Variants in ACBD3 observed in about 807,000 individuals in gnomAD.
ACBD3 encodes acyl-CoA binding domain containing 3, also known as Golgi resident protein GCP60.
ACBD3 carries 30 observed loss-of-function variants against 66.9 expected under a neutral mutation model. That is an observed-to-expected ratio of 0.45 (90% CI 0.34 to 0.61). The LOEUF (loss-of-function observed/expected upper bound fraction) is 0.61, where lower values mean the gene tolerates loss of function less well. ACBD3 is among the 20% of genes least tolerant of loss of function. The pLI, the probability that ACBD3 is intolerant of heterozygous loss-of-function variation, is 0.02. For synonymous variants in ACBD3, 278 were observed against 259.8 expected, an observed-to-expected ratio of 1.07 and a Z score of -0.68; for missense variants, 544 against 664.5, an observed-to-expected ratio of 0.82 and a Z score of 1.99.
chr1:226,172,201 C>A lies in ACBD3; in HGVS notation c.287-6201G>T, dbSNP rs368316124. ...ATACATTTTCAGTGCTAGTCCTGGT[C>A]AGGCAAACAGATTCGCTGACCTCTG... On this transcript the variant is annotated intron_variant, in intron 1 of 7. Coordinates refer to ENST00000366812, the MANE Select transcript of ACBD3 (RefSeq NM_022735.4). Among the ~76,000 whole-genome samples, 33 of 107,090 alleles carry A rather than the reference C, an allele frequency of 3.1e-4. 1 individual carries two copies. The highest frequency in any genetic ancestry group is 3.8e-4 in the Admixed American group (4 of 10,434). The allele number at this position is 107,090 out of a possible 152,430, so 70.3% of individuals were successfully genotyped here. A position where few individuals can be genotyped will look rare whatever the true frequency, so the allele number is the denominator to read the frequency against.
intron 5 of ACBD3, chr1:226,155,135 AGGCCAGCCAAAGT>A (rs1659647622): frequency 5.3e-6 from 1 of 190,400 alleles, no homozygotes; most frequent in Non-Finnish European, 1.1e-5. Flanking sequence ...AATGAAAGTA[AGGCCAGCCAAAGT>A]GGCTCACACC....
chr1:226,164,625 C>T (rs1460676781), intron 3 of ACBD3, among the ~76,000 whole-genome samples, 164 bp downstream of exon 3: 1 of 152,144 alleles, frequency 6.6e-6, no homozygotes, highest in African/African-American at 2.4e-5. Context: ...ACTTATAATA[C>T]AAGTACCTGT....
intron 5 of ACBD3, among the ~76,000 whole-genome samples, chr1:226,157,242 AT>A (rs34096327): frequency 6.9e-6 from 1 of 145,628 alleles, no homozygotes; most frequent in Non-Finnish European, 1.5e-5. Flanking sequence ...TCAATTATGG[AT>A]TTTTTTTTTT....
At position 226,150,705 on chromosome 1, in the gene ACBD3, TTC is replaced by T. The variant is rs143838099; in HGVS notation, c.1375+1628_1375+1629del. Among the ~76,000 whole-genome samples the T allele has an allele frequency of 3.0e-3, 464 of 152,290 alleles. 4 individuals carry two copies. Among genetic ancestry groups the T allele is most frequent in the African/African-American group, 0.01 (420 of 41,580 alleles). On this transcript the variant is annotated intron_variant, in intron 7 of 7. Coordinates refer to ENST00000366812, the MANE Select transcript of ACBD3 (RefSeq NM_022735.4). Reference sequence around the variant, plus strand: ...GCTTTTTCAATCTTACATTTTTTCTTTCTGTCTCAGTCAGTATTATTTATGAG... The same window carrying T: ...GCTTTTTCAATCTTACATTTTTTCTTTGTCTCAGTCAGTATTATTTATGAG...
intron 1 of ACBD3, among the ~76,000 whole-genome samples, chr1:226,184,702 T>G (rs1225552551): frequency 6.6e-6 from 1 of 152,146 alleles, no homozygotes; most frequent in Non-Finnish European, 1.5e-5. Context: ...TGTTTTAATC[T>G]TTTTCTTTGT....
At chr1:226,183,903 A>C (rs1015880451) in intron 1 of ACBD3, among the ~76,000 whole-genome samples, 5 of 151,438 alleles carry the variant, frequency 3.3e-5, no homozygotes, top group Admixed American at 2.0e-4. Flanking sequence ...AAAAAAAAAA[A>C]AAACCAGGCT....
Position 226,159,174 on chromosome 1 carries a change from T to C in ACBD3, c.903+10A>G. On this transcript the variant is annotated intron_variant, in intron 5 of 7. Transcript: ENST00000366812. ...TCTCTAAGGCTGAATTCTAGGGTTG[T>C]CTATCGTACCTGTTGCTGTGCAAGC... 6.2e-7 allele frequency: 1 copy of C among 1,613,386 alleles called. No homozygotes were observed. The highest frequency in any genetic ancestry group is 2.2e-5 in the East Asian group (1 of 44,862).
chr1:226,157,476 T>C (rs781328234), intron 5 of ACBD3, among the ~76,000 whole-genome samples: 23 of 152,272 alleles, frequency 1.5e-4, no homozygotes, highest in Non-Finnish European at 3.1e-4. Flanking sequence ...CAACCTCAAG[T>C]GATCCACCCA....
intron 7 of ACBD3, among the ~76,000 whole-genome samples, chr1:226,147,274 GTTCA>G (rs199600645): frequency 3.1e-4 from 47 of 152,100 alleles, no homozygotes; most frequent in African/African-American, 9.7e-4. Context: ...TTATTAGTTC[GTTCA>G]TTCATTCATT....
intron 1 of ACBD3, among the ~76,000 whole-genome samples, chr1:226,176,062 TGGAA>T (rs974158470): frequency 2.6e-5 from 4 of 152,054 alleles, no homozygotes; most frequent in African/African-American, 7.2e-5. Flanking sequence ...TCCTTATAAA[TGGAA>T]GGGAAGAAAG....
chr1:226,160,540 T>G (rs1659751860), intron 4 of ACBD3, among the ~76,000 whole-genome samples: 1 of 152,200 alleles, frequency 6.6e-6, no homozygotes, highest in African/African-American at 2.4e-5. Context: ...AAAAAAGAGC[T>G]GCATTCATAG....
Position 226,152,315 on chromosome 1 carries a change from A to G in ACBD3, c.1375+20T>C. On this transcript the variant is annotated intron_variant, in intron 7 of 7. Coordinates refer to ENST00000366812, the MANE Select transcript of ACBD3 (RefSeq NM_022735.4). ...CAACACACAACCCAGCAGCTACTGA[A>G]TATGGACCAAGGGTTCTACCTTCTT... The G allele has an allele frequency of 6.2e-7, 1 of 1,611,732 alleles. No homozygotes were observed. The highest frequency in any genetic ancestry group is 8.5e-7 in the Non-Finnish European group (1 of 1,178,758).
At chr1:226,160,710 C>T (rs931070518) in intron 4 of ACBD3, among the ~76,000 whole-genome samples, 4 of 152,180 alleles carry the variant, frequency 2.6e-5, no homozygotes, top group Non-Finnish European at 4.4e-5. Flanking sequence ...AGACTTACTT[C>T]CCAGTGTTTT....
chr1:226,173,829 C>T (rs9725308), intron 1 of ACBD3, among the ~76,000 whole-genome samples: 64,519 of 142,002 alleles, frequency 0.45, 14,506 homozygotes, highest in African/African-American at 0.52. Flanking sequence ...GGGATGATCT[C>T]GACTCACTGC....
At chr1:226,149,850 C>T (rs1174380834) in intron 7 of ACBD3, among the ~76,000 whole-genome samples, 2 of 151,738 alleles carry the variant, frequency 1.3e-5, no homozygotes, top group Non-Finnish European at 2.9e-5. Context: ...CCTCACAAAG[C>T]TCTTTGTAAG....
chr1:226,157,510 A>T (rs578038958), intron 5 of ACBD3, among the ~76,000 whole-genome samples: 2 of 152,066 alleles, frequency 1.3e-5, no homozygotes, highest in African/African-American at 2.4e-5. Flanking sequence ...AAGTGCTGGG[A>T]TTACAGGCAT....
At chr1:226,180,985 TG>T (rs1293229766) in intron 1 of ACBD3, among the ~76,000 whole-genome samples, 1 of 140,188 alleles carries the variant, frequency 7.1e-6, no homozygotes, top group Non-Finnish European at 1.5e-5. Flanking sequence ...GGTGACAGAA[TG>T]AGACTCCATC....
intron 7 of ACBD3, 100 bp from the exon 8 acceptor site, chr1:226,146,921 T>A: frequency 1.7e-6 from 2 of 1,165,684 alleles, no homozygotes; most frequent in South Asian, 1.4e-5. Context: ...AGACAGAGTC[T>A]TGCTCTGTCA....
At chr1:226,166,076 T>A (rs1455178280) in intron 1 of ACBD3, 76 bp from the exon 2 acceptor site, 1 of 1,451,792 alleles carries the variant, frequency 6.9e-7, no homozygotes, top group Non-Finnish European at 9.2e-7. Flanking sequence ...ATACTAAAGC[T>A]TTGCTACAAA....
Sources: allele counts gnomAD v4.1 joint callset (sites outside exome capture counted in the v4.1 genomes callset), GRCh38; gene constraint gnomAD v4.1.1; transcripts MANE v1.5; gene names NCBI Gene and HGNC (gene_info 2026-07-23, HGNC 2026-07-21).